The following SLC24A2 variants were observed in gnomAD, a reference collection of about 807,000 sequenced individuals.
SLC24A2 encodes sodium/potassium/calcium exchanger 2.
Under a neutral mutation model 62.0 loss-of-function variants are expected in SLC24A2, and 36 were observed. The ratio of observed to expected loss-of-function variants is 0.58; its 90% CI spans 0.44 to 0.77. The LOEUF (loss-of-function observed/expected upper bound fraction) is 0.77. SLC24A2 is among the 30% of genes least tolerant of loss of function. The pLI is 0.00. For missense variants in SLC24A2, 846 were observed against 817.9 expected (o/e 1.03, Z -0.42); for synonymous variants, 358 against 294.0 (o/e 1.22, Z -2.23).
At chr9:19,930,852 T>C in the SLC24A2 span, among the ~76,000 whole-genome samples, 1 of 152,204 alleles carries the variant, frequency 6.6e-6, no homozygotes, top group African/African-American at 2.4e-5. Context: ...GGGATTTATA[T>C]CCAAGTGTTC....
At chr9:19,744,393 T>C (rs753706899) in intron 2 of SLC24A2, among the ~76,000 whole-genome samples, 2 of 152,162 alleles carry the variant, frequency 1.3e-5, no homozygotes, top group Non-Finnish European at 2.9e-5. Flanking sequence ...CACTCCAGCA[T>C]CTTCAGTTCT....
the SLC24A2 span, among the ~76,000 whole-genome samples, chr9:19,808,955 T>C: frequency 6.6e-6 from 1 of 152,198 alleles, no homozygotes; most frequent in Non-Finnish European, 1.5e-5. The surrounding 1 kb of genome is among the most constrained non-coding windows in gnomAD (Gnocchi z 4.1). Flanking sequence ...CAAGATTATT[T>C]AATGCCTAGA....
chr9:19,686,139 G>A (rs555622915), intron 2 of SLC24A2, among the ~76,000 whole-genome samples: 1 of 152,132 alleles, frequency 6.6e-6, no homozygotes, highest in South Asian at 2.1e-4. Context: ...ACATACACAT[G>A]GCCAAGAAGC....
intron 2 of SLC24A2, among the ~76,000 whole-genome samples, chr9:19,772,721 G>C (rs755767131): frequency 1.3e-5 from 2 of 152,298 alleles, no homozygotes; most frequent in African/African-American, 4.8e-5. Context: ...AAGATGTGGA[G>C]AAATCGGAAC....
At chr9:20,203,413 A>G in the SLC24A2 span, among the ~76,000 whole-genome samples, 1 of 152,160 alleles carries the variant, frequency 6.6e-6, no homozygotes, top group Admixed American at 6.5e-5. Flanking sequence ...CCAAAACATT[A>G]ACTTGTTGGC....
chr9:19,867,501 T>TC, the SLC24A2 span, among the ~76,000 whole-genome samples: 7 of 152,232 alleles, frequency 4.6e-5, no homozygotes, highest in African/African-American at 1.7e-4. Flanking sequence ...TAGTTTTTTT[T>TC]CTCTTTCTAA....
chr9:19,811,512 G>T, the SLC24A2 span, among the ~76,000 whole-genome samples: 1 of 151,800 alleles, frequency 6.6e-6, no homozygotes, highest in Non-Finnish European at 1.5e-5. Flanking sequence ...TTCTTTTCCT[G>T]CTTTCTTTGG....
At chr9:19,812,074 T>G in the SLC24A2 span, among the ~76,000 whole-genome samples, 8 of 152,168 alleles carry the variant, frequency 5.3e-5, no homozygotes, top group Non-Finnish European at 8.8e-5. Context: ...TTTAATTTCT[T>G]TCAATACACC....
chr9:20,143,675 T>C, the SLC24A2 span, among the ~76,000 whole-genome samples: 72 of 152,330 alleles, frequency 4.7e-4, no homozygotes, highest in Non-Finnish European at 8.1e-4. Context: ...GAGAGCTATT[T>C]AAATTCCCTA....
chr9:20,302,195 T>G, the SLC24A2 span, among the ~76,000 whole-genome samples: 6 of 152,230 alleles, frequency 3.9e-5, no homozygotes, highest in East Asian at 9.6e-4. Context: ...GCTATTAACA[T>G]CTGTGTGTAG....
the SLC24A2 span, chr9:19,929,946 T>C: frequency 1.3e-4 from 20 of 148,272 alleles, no homozygotes; most frequent in Non-Finnish European, 2.6e-4. Flanking sequence ...GGTTATAGAA[T>C]AACGATATAA....
the SLC24A2 span, among the ~76,000 whole-genome samples, chr9:19,798,909 G>A: frequency 6.6e-6 from 1 of 151,914 alleles, no homozygotes; most frequent in African/African-American, 2.4e-5. Context: ...GTTTCTAGTT[G>A]TATCATCTTC....
chr9:19,922,737 A>T, the SLC24A2 span, among the ~76,000 whole-genome samples: 2 of 152,154 alleles, frequency 1.3e-5, no homozygotes, highest in Admixed American at 6.5e-5. Flanking sequence ...AAAGGAAAAA[A>T]ATCCCTTCTG....
intron 2 of SLC24A2, among the ~76,000 whole-genome samples, chr9:19,743,234 A>G (rs1485177674): frequency 6.6e-6 from 1 of 152,192 alleles, no homozygotes; most frequent in African/African-American, 2.4e-5. Flanking sequence ...TTGGACAACT[A>G]CAGCTGAGGT....
chr9:19,773,372 G>C (rs1328642424), intron 2 of SLC24A2, among the ~76,000 whole-genome samples: 1 of 152,182 alleles, frequency 6.6e-6, no homozygotes, highest in Non-Finnish European at 1.5e-5. Flanking sequence ...TATAAGGCTA[G>C]AAGGCAAAGA....
intron 4 of SLC24A2, 50 bp from the exon 5 acceptor site, chr9:19,597,329 A>T: frequency 8.2e-7 from 1 of 1,220,376 alleles, no homozygotes; most frequent in Non-Finnish European, 1.2e-6. Flanking sequence ...GCTATAATGC[A>T]AGAACTTTGT....
chr9:20,037,745 T>C, the SLC24A2 span, among the ~76,000 whole-genome samples: 1 of 152,194 alleles, frequency 6.6e-6, no homozygotes, highest in South Asian at 2.1e-4. Context: ...GGAGACACTT[T>C]GGATTGTCTT....
the SLC24A2 span, among the ~76,000 whole-genome samples, chr9:20,022,361 A>C: frequency 6.6e-6 from 1 of 152,234 alleles, no homozygotes; most frequent in Non-Finnish European, 1.5e-5. Flanking sequence ...ACCATATAAC[A>C]ATCCTTGGGG....
At chr9:20,244,890 T>C in the SLC24A2 span, among the ~76,000 whole-genome samples, 1 of 152,200 alleles carries the variant, frequency 6.6e-6, no homozygotes, top group African/African-American at 2.4e-5. Context: ...TTTGATAGAG[T>C]GTCAGCATCA....
Sources: gnomAD v4.1 joint callset for allele counts (sites outside exome capture counted in the v4.1 genomes callset) on GRCh38, gnomAD v4.1.1 for gene constraint, Gnocchi (gnomAD v3.1) non-coding constraint, MANE v1.5 for transcripts, NCBI Gene and HGNC (gene_info 2026-07-23, HGNC 2026-07-21) for gene names.